The following ZNF723 variants were observed in gnomAD, a reference collection of about 807,000 sequenced individuals.
ZNF723 encodes the protein zinc finger protein 723, pseudogene.
ZNF723 carries 5 observed loss-of-function variants against 9.4 expected under a neutral mutation model. The observed-to-expected ratio is 0.53, with a 90% CI of 0.28 to 1.12. ZNF723 has a LOEUF of 1.12. ZNF723 is among the 50% of genes most tolerant of loss of function. The probability of loss-of-function intolerance (pLI) is 0.10; values close to 1 mark genes in which losing one functional copy is unlikely to be tolerated. For missense variants in ZNF723, 450 were observed against 501.5 expected (o/e 0.90, Z 0.98); for synonymous variants, 158 against 168.8 (o/e 0.94, Z 0.49).
chr19:22,824,413 G>A, the ZNF723 span, among the ~76,000 whole-genome samples: 1 of 151,988 alleles, frequency 6.6e-6, no homozygotes, highest in African/African-American at 2.4e-5. Context: ...CTTCTTCCTG[G>A]TTCCTAGCTA....
In ZNF723 at chr19:22,858,104, G is replaced by C. The variant is rs1967508732; in HGVS notation, c.1213G>C (p.Ala405Pro). 4.0e-6 allele frequency: 6 copies of C among 1,483,222 alleles called. No individual in the cohort carries two copies. The South Asian group carries it at 6.8e-5, about 17-fold the overall frequency. The allele number at this position is 1,483,222 out of a possible 1,614,324, so 91.9% of individuals were successfully genotyped here. A position where few individuals can be genotyped will look rare whatever the true frequency, so the allele number is the denominator to read the frequency against. Residue 405 changes from alanine to proline, a missense_variant, in exon 4 of 4, where the codon GCC becomes CCC. Coordinates refer to ENST00000600766, the MANE Select transcript of ZNF723 (RefSeq NM_001349726.2). ...KPYKCEECGK[A>P]FNQSSALTTH... is the part of the protein sequence containing the mutation. ...CTACAAATGTGAAGAATGTGGCAAA[G>C]CCTTTAACCAATCCTCAGCCCTTAC...
chr19:22,820,830 G>T, the ZNF723 span, among the ~76,000 whole-genome samples: 3 of 152,100 alleles, frequency 2.0e-5, no homozygotes, highest in Non-Finnish European at 2.9e-5. Flanking sequence ...TATGAACAGA[G>T]CCCACTTTTG....
At chr19:22,825,583 C>A in the ZNF723 span, among the ~76,000 whole-genome samples, 1 of 152,202 alleles carries the variant, frequency 6.6e-6, no homozygotes, top group African/African-American at 2.4e-5. Flanking sequence ...GGGCCCAGCA[C>A]ATTAGTGATG....
In ZNF723 at chr19:22,857,449, A is replaced by G; in HGVS notation, c.558A>G (p.Ser186=). ...GTGGCAAATCATTTTGCATGCTTTC[A>G]CACCTAACTAAACATGAAAGAAATC... The part of the protein sequence containing the change: ...KECGKSFCML[S]HLTKHERNHT... The change falls in exon 4 of 4, where the codon TCA becomes TCG. Residue 186 remains serine, a synonymous_variant. Transcript: ENST00000600766. 1.0e-6 allele frequency: 1 copy of G among 993,212 alleles called. No homozygotes were observed. Among genetic ancestry groups the G allele is most frequent in the Non-Finnish European group, 1.6e-6 (1 of 621,528 alleles). 61.5% of individuals were successfully genotyped at this position (993,212 alleles called of 1,614,324 possible).
chr19:22,855,403 A>G (rs1967463474), intron 3 of ZNF723, among the ~76,000 whole-genome samples: 2 of 151,686 alleles, frequency 1.3e-5, no homozygotes, highest in African/African-American at 4.8e-5. Flanking sequence ...TAATTTTTGT[A>G]TTTTTAGTGG....
upstream of ZNF723, among the ~76,000 whole-genome samples, chr19:22,827,664 G>C (rs1019834241): frequency 1.3e-5 from 2 of 151,990 alleles, no homozygotes; most frequent in Admixed American, 6.6e-5. Context: ...GGCCAGGCTG[G>C]TCTTGAACTC....
intron 1 of ZNF723, among the ~76,000 whole-genome samples, chr19:22,846,724 C>T (rs1954821170): frequency 6.6e-6 from 1 of 150,554 alleles, no homozygotes; most frequent in Non-Finnish European, 1.5e-5. Flanking sequence ...AAAATCACTA[C>T]TAAAAATTAC....
At chr19:22,843,489 A>C (rs765057418) in intron 1 of ZNF723, among the ~76,000 whole-genome samples, 17 of 152,180 alleles carry the variant, frequency 1.1e-4, no homozygotes, top group South Asian at 4.1e-4. Context: ...ATGTCTGGAG[A>C]CTCAAACAAA....
At chr19:22,813,229 T>C in the ZNF723 span, among the ~76,000 whole-genome samples, 1 of 152,188 alleles carries the variant, frequency 6.6e-6, no homozygotes, top group African/African-American at 2.4e-5. Context: ...GGGACATGTG[T>C]AAGATTGTTA....
chr19:22,857,624 A>C lies in ZNF723; in HGVS notation c.733A>C (p.Asn245His). Residue 245 changes from asparagine (N) to histidine (H), a missense_variant, in exon 4 of 4, where the codon AAT (asparagine) becomes CAT (histidine). Physicochemically the swap from Asn to His is moderately conservative, Grantham distance 68. This residue lies in a region of ZNF723 where 237 missense variants were observed against 332.2 expected (regional missense o/e 0.71). Coordinates refer to ENST00000600766, the MANE Select transcript of ZNF723 (RefSeq NM_001349726.2). ...GKAFNVSSSLNNHKRIHTGEK... is the reference protein window; with the variant it reads ...GKAFNVSSSLHNHKRIHTGEK... ...AGCCTTTAATGTGTCCTCAAGCCTT[A>C]ATAATCATAAGAGAATTCATACTGG... 3 of 1,290,680 alleles carry C rather than the reference A, an allele frequency of 2.3e-6. No individual in the cohort carries two copies. The highest frequency in any genetic ancestry group is 3.4e-6 in the Non-Finnish European group (3 of 886,314). The allele number at this position is 1,290,680 out of a possible 1,614,324, so 80.0% of individuals were successfully genotyped here. A position where few individuals can be genotyped will look rare whatever the true frequency, so the allele number is the denominator to read the frequency against.
At chr19:22,829,570 C>G (rs1967071878), upstream of ZNF723, among the ~76,000 whole-genome samples, 1 of 152,204 alleles carries the variant, frequency 6.6e-6, no homozygotes, top group Admixed American at 6.5e-5. Flanking sequence ...CAGGCGTGAA[C>G]AACCACGCCC....
intron 1 of ZNF723, among the ~76,000 whole-genome samples, chr19:22,836,302 G>A (rs1370432680): frequency 3.9e-5 from 6 of 152,120 alleles, no homozygotes; most frequent in Non-Finnish European, 8.8e-5. Flanking sequence ...GGACTGAAAG[G>A]ATCTCACTGA....
chr19:22,854,945 G>A (rs1439199403), intron 3 of ZNF723, among the ~76,000 whole-genome samples: 1 of 151,968 alleles, frequency 6.6e-6, no homozygotes, highest in African/African-American at 2.4e-5. Flanking sequence ...TACTCTGTCA[G>A]CTGAGGCAAG....
chr19:22,848,147 A>G lies in ZNF723; in HGVS notation c.4-114A>G, dbSNP rs1448779628. ...TTATTGGAGGATTTCAGTCATTCCT[A>G]TAAGTCAGAACCTGTTCTCTTTACT... On this transcript the variant is annotated intron_variant, in intron 1 of 3. Coordinates refer to ENST00000600766, the MANE Select transcript of ZNF723 (RefSeq NM_001349726.2). 21 of 458,982 alleles carry G rather than the reference A, an allele frequency of 4.6e-5. 1 individual carries two copies. The Admixed American group carries it at 7.7e-4, about 17-fold the overall frequency. The allele number at this position is 458,982 out of a possible 1,614,324, so 28.4% of individuals were successfully genotyped here. A position where few individuals can be genotyped will look rare whatever the true frequency, so the allele number is the denominator to read the frequency against.
chr19:22,829,904 T>A (rs892524972), upstream of ZNF723, among the ~76,000 whole-genome samples: 24 of 152,312 alleles, frequency 1.6e-4, no homozygotes, highest in Non-Finnish European at 3.5e-4. Context: ...CATCCTTGAA[T>A]TTTCTGTATG....
the ZNF723 span, among the ~76,000 whole-genome samples, chr19:22,821,312 A>G: frequency 6.6e-6 from 1 of 152,162 alleles, no homozygotes; most frequent in Non-Finnish European, 1.5e-5. Context: ...ATTGTGACAC[A>G]TGCCTGGTGC....
chr19:22,845,877 G>GA (rs1248892676), intron 1 of ZNF723, among the ~76,000 whole-genome samples: 5 of 133,496 alleles, frequency 3.7e-5, no homozygotes, highest in East Asian at 4.5e-4. Flanking sequence ...AGGAGATAGG[G>GA]AAAAAATATG....
Position 22,848,300 on chromosome 19 carries a change from C to A in ZNF723, c.43C>A (p.Leu15Met). The A allele has an allele frequency of 7.6e-7, 1 of 1,313,756 alleles. No individual in the cohort carries two copies. The highest frequency in any genetic ancestry group is 1.1e-6 in the Non-Finnish European group (1 of 925,000). 81.4% of individuals were successfully genotyped at this position (1,313,756 alleles called of 1,614,324 possible). Residue 15 changes from leucine (L) to methionine (M), a missense_variant, in exon 2 of 4, where the codon CTG (leucine) becomes ATG (methionine). Coordinates refer to ENST00000600766, the MANE Select transcript of ZNF723 (RefSeq NM_001349726.2). ...TFTDVAIKFS[L>M]EEWQFLDTAQ... ...CACAGATGTGGCAATAAAATTTTCT[C>A]TGGAGGAGTGGCAATTCCTGGACAC...
chr19:22,832,455 G>T, intron 1 of ZNF723, 73 bp downstream of exon 1: 1 of 1,305,106 alleles, frequency 7.7e-7, no homozygotes. Flanking sequence ...GGCTGTGGCG[G>T]GACTCAGGCC....
Sources: gnomAD v4.1 joint callset for allele counts (sites outside exome capture counted in the v4.1 genomes callset) on GRCh38, gnomAD v4.1.1 for gene constraint, gnomAD v4.1.1 regional missense constraint, MANE v1.5 for transcripts, NCBI Gene and HGNC (gene_info 2026-07-23, HGNC 2026-07-21) for gene names.